IFI44L: variants seen among roughly 807,000 people sequenced by gnomAD.
IFI44L encodes interferon induced protein 44 like, also known as interferon-induced protein 44-like.
In IFI44L, 40 loss-of-function variants were observed where a neutral mutation model predicts 39.3. The ratio of observed to expected loss-of-function variants is 1.02; its 90% confidence interval spans 0.79 to 1.33. The LOEUF is 1.33. Among genes scored for constraint, IFI44L ranks in the 40% most tolerant of loss-of-function variants. IFI44L has a pLI of 0.00. For missense variants in IFI44L, 623 were observed against 549.0 expected, an observed-to-expected ratio of 1.13 and a Z score of -1.35; for synonymous variants, 198 against 182.3, an observed-to-expected ratio of 1.09 and a Z score of -0.69.
intron 8 of IFI44L, 31 bp downstream of exon 8, chr1:78,641,640 G>T: frequency 6.2e-7 from 1 of 1,611,976 alleles, no homozygotes; most frequent in Non-Finnish European, 8.5e-7. Context: ...CCCTGTCATA[G>T]ATCACTGGTG....
At chr1:78,626,293 C>T (rs1259972060) in intron 1 of IFI44L, 1 of 151,844 alleles carries the variant, frequency 6.6e-6, no homozygotes. Context: ...TACTGTAAAT[C>T]ATTCAATCTT....
chr1:78,637,130 C>T lies in IFI44L; in HGVS notation c.975C>T (p.Ile325=). Residue 325 remains isoleucine (I), a synonymous_variant, in exon 6 of 9, where the codon ATC becomes ATT. Transcript: ENST00000370751. The part of the protein sequence containing the change: ...RIHCVAYVLD[I]NSIDNLYSKM... The stretch of plus-strand genomic sequence containing the variant: ...ACTGTGTGGCTTATGTCTTAGACAT[C>T]AACTCTATTGACAATCTCTACTCTA... The T allele has an allele frequency of 6.2e-7, 1 of 1,608,292 alleles. No individual in the cohort carries two copies. Among genetic ancestry groups the T allele is most frequent in the South Asian group, 1.1e-5 (1 of 90,060 alleles).
chr1:78,641,477 A>G lies in IFI44L; in HGVS notation c.1192A>G (p.Ile398Val), dbSNP rs2100398506. Reference protein sequence around the residue: ...HKMLGIPISNILMVGNYASDL... With the variant: ...HKMLGIPISNVLMVGNYASDL... ...AATGCTAGGCATTCCTATTTCCAAT[A>G]TTTTGATGGTTGGAAATTATGCTTC... The change falls in exon 8 of 9, where the codon ATT becomes GTT. Residue 398 changes from isoleucine (I) to valine (V), a missense_variant. Transcript: ENST00000370751. 1.9e-6 allele frequency: 3 copies of G among 1,613,546 alleles called. No individual in the cohort carries two copies. Among genetic ancestry groups the G allele is most frequent in the African/African-American group, 1.3e-5 (1 of 75,002 alleles).
rs530068325 is a variant in IFI44L at position 78,632,054 on chromosome 1, GTACTT to G, written c.723+2140_723+2144del. ...TGATAAAATGGGAAGTGCTCATAAA[GTACTT>G]CTAATGCATATTGAAAATTGGCAGT... On this transcript the variant is annotated intron_variant, in intron 4 of 8. Coordinates refer to ENST00000370751, the MANE Select transcript of IFI44L (RefSeq NM_006820.4). Among the ~76,000 whole-genome samples, 359 of 152,282 alleles carry G rather than the reference GTACTT, an allele frequency of 2.4e-3. 1 individual carries two copies. Among genetic ancestry groups the G allele is most frequent in the African/African-American group, 8.1e-3 (337 of 41,558 alleles).
At chr1:78,631,579 T>A (rs142518646) in intron 4 of IFI44L, 1 of 152,170 alleles carries the variant, frequency 6.6e-6, no homozygotes, top group Admixed American at 6.6e-5. Flanking sequence ...ATCGTCCATA[T>A]TTTTTTGTGT....
In IFI44L at chr1:78,645,968, T is replaced by C. The variant is rs1647044131; in HGVS notation, c.*4159T>C. 6.6e-6 allele frequency: 1 copy of C among 152,112 alleles called. No homozygotes were observed. Among genetic ancestry groups the C allele is most frequent in the Admixed American group, 6.5e-5 (1 of 15,278 alleles). The allele number at this position is 152,112 out of a possible 1,614,324, so 9.4% of individuals were successfully genotyped here. A position where few individuals can be genotyped will look rare whatever the true frequency, so the allele number is the denominator to read the frequency against. On this transcript the variant is annotated 3_prime_UTR_variant, in exon 9 of 9. Transcript: ENST00000370751. Reference sequence around the variant, plus strand: ...AGGCTCCAGGACAGGAAGTGCAGTGTAGGCAAAATTGCAAAAATTGAGGGC... The same window carrying C: ...AGGCTCCAGGACAGGAAGTGCAGTGCAGGCAAAATTGCAAAAATTGAGGGC...
chr1:78,634,285 T>A (rs908931085), intron 4 of IFI44L, among the ~76,000 whole-genome samples: 5 of 151,990 alleles, frequency 3.3e-5, no homozygotes, highest in Non-Finnish European at 7.4e-5. Context: ...AATCAAACTG[T>A]AAAATATCAA....
Position 78,642,529 on chromosome 1 carries a change from A to G in IFI44L, c.*720A>G, listed in dbSNP as rs1646999685. ...GGCTACAGTGAGCTGAGATTGTGCC[A>G]CTGTACTCTAGCCAGGGAGAAAGAG... On this transcript the variant is annotated 3_prime_UTR_variant, in exon 9 of 9. Coordinates refer to ENST00000370751, the MANE Select transcript of IFI44L (RefSeq NM_006820.4). 1 of 152,024 alleles carries G rather than the reference A, an allele frequency of 6.6e-6. No individual in the cohort carries two copies. Among genetic ancestry groups the G allele is most frequent in the Admixed American group, 6.6e-5 (1 of 15,250 alleles). 9.4% of individuals were successfully genotyped at this position (152,024 alleles called of 1,614,324 possible).
chr1:78,646,010 G>A lies in IFI44L; in HGVS notation c.*4201G>A, dbSNP rs1647044935. On this transcript the variant is annotated 3_prime_UTR_variant, in exon 9 of 9. Transcript: ENST00000370751. ...ATTGAGGGCACAGGGGTGGAGGTGG[G>A]GGGGTTGAATAACAAGCTGTGCTAA... 1 of 152,156 alleles carries A rather than the reference G, an allele frequency of 6.6e-6. No individual in the cohort carries two copies. The highest frequency in any genetic ancestry group is 1.5e-5 in the Non-Finnish European group (1 of 68,046). The allele number at this position is 152,156 out of a possible 1,614,324, so 9.4% of individuals were successfully genotyped here.
chr1:78,632,350 A>G (rs1652780244), intron 4 of IFI44L, among the ~76,000 whole-genome samples: 1 of 152,214 alleles, frequency 6.6e-6, no homozygotes, highest in Admixed American at 6.5e-5. Context: ...CAGCTTTTCA[A>G]CACTTAAAGA....
intron 4 of IFI44L, 110 bp from the exon 5 acceptor site, chr1:78,635,227 G>C (rs1055228506): frequency 2.3e-6 from 2 of 852,354 alleles, no homozygotes; most frequent in Non-Finnish European, 3.6e-6. Flanking sequence ...AGACCAAACT[G>C]TTTGAGGACC....
chr1:78,624,383 AT>A lies in IFI44L; in HGVS notation c.-10-3519del, dbSNP rs1241315136. ...TAGTTTAATTCTCACATCCTTGTTA[AT>A]TTTCTAGATTTTCTGATATTGATTT... On this transcript the variant is annotated intron_variant, in intron 1 of 8. Coordinates refer to ENST00000370751, the MANE Select transcript of IFI44L (RefSeq NM_006820.4). Among the ~76,000 whole-genome samples, 7 of 152,146 alleles carry A rather than the reference AT, an allele frequency of 4.6e-5. No homozygotes were observed. The East Asian group carries it at 1.2e-3, about 25-fold the overall frequency.
At chr1:78,624,337 C>T (rs138338336) in intron 1 of IFI44L, among the ~76,000 whole-genome samples, 111 of 152,202 alleles carry the variant, frequency 7.3e-4, no homozygotes, top group African/African-American at 2.7e-3. Context: ...CATTTTGATC[C>T]ACTGCTTATT....
At position 78,629,019 on chromosome 1, in the gene IFI44L, T is replaced by C. The variant is rs760289870; in HGVS notation, c.527+20T>C. The stretch of plus-strand genomic sequence containing the variant: ...CAGAGAGTAAGTTGGATTCTTGGGC[T>C]ATCTATTAATCATTTTATTTAGACC... On this transcript the variant is annotated intron_variant, in intron 3 of 8. Transcript: ENST00000370751. 1 of 1,505,282 alleles carries C rather than the reference T, an allele frequency of 6.6e-7. No homozygotes were observed. Among genetic ancestry groups the C allele is most frequent in the African/African-American group, 1.4e-5 (1 of 72,718 alleles). The allele number at this position is 1,505,282 out of a possible 1,614,324, so 93.2% of individuals were successfully genotyped here. A position where few individuals can be genotyped will look rare whatever the true frequency, so the allele number is the denominator to read the frequency against.
At position 78,643,158 on chromosome 1, in the gene IFI44L, C is replaced by CTTTTTTTTT. The variant is rs1303490900; in HGVS notation, c.*1351_*1352insTTTTTTTTT. On this transcript the variant is annotated 3_prime_UTR_variant, in exon 9 of 9. Transcript: ENST00000370751. ...ATAGATATTAAGAAAGCAAGAGTTTCTTATGTCCAGTTATGGAATATTTCC... is the reference window on the plus strand; with the variant it reads ...ATAGATATTAAGAAAGCAAGAGTTTCTTTTTTTTTTTATGTCCAGTTATGGAATATTTCC... The CTTTTTTTTT allele has an allele frequency of 6.6e-6, 1 of 151,522 alleles. No homozygotes were observed. The highest frequency in any genetic ancestry group is 1.5e-5 in the Non-Finnish European group (1 of 67,856). The allele number at this position is 151,522 out of a possible 1,614,324, so 9.4% of individuals were successfully genotyped here. A position where few individuals can be genotyped will look rare whatever the true frequency, so the allele number is the denominator to read the frequency against.
chr1:78,641,516 G>A lies in IFI44L; in HGVS notation c.1231G>A (p.Asp411Asn), dbSNP rs1354802684. 1.2e-6 allele frequency: 2 copies of A among 1,613,608 alleles called. No homozygotes were observed. Among genetic ancestry groups the A allele is most frequent in the East Asian group, 2.2e-5 (1 of 44,856 alleles). Reference protein sequence around the residue: ...VGNYASDLELDPMKDILILSA... With the variant: ...VGNYASDLELNPMKDILILSA... ...AAATTATGCTTCAGATTTGGAACTG[G>A]ACCCCATGAAGGATATTCTCATCCT... is the stretch of plus-strand genomic sequence containing the variant. Residue 411 changes from aspartate to asparagine, a missense_variant, in exon 8 of 9, where the codon GAC (aspartate) becomes AAC (asparagine). By Grantham distance (23) the Asp-to-Asn change is conservative. Coordinates refer to ENST00000370751, the MANE Select transcript of IFI44L (RefSeq NM_006820.4).
chr1:78,635,877 TTAGATTTCACCACTAAATACC>T (rs1652931942), intron 5 of IFI44L: 2 of 193,332 alleles, frequency 1.0e-5, no homozygotes. Flanking sequence ...CTGTAAATGC[TTAGATTTCACCACTAAATACC>T]TAGATTCAAA....
At chr1:78,623,396 GTTTTTTTTT>G (rs71078508) in intron 1 of IFI44L, among the ~76,000 whole-genome samples, 22,735 of 121,716 alleles carry the variant, frequency 0.19, 2,117 homozygotes, top group South Asian at 0.26. Flanking sequence ...AGTGTTTTTT[GTTTTTTTTT>G]TTTTTTTTTT....
Position 78,637,075 on chromosome 1 carries a change from T to G in IFI44L, c.920T>G (p.Ile307Ser), listed in dbSNP as rs1463563266. 6.2e-7 allele frequency: 1 copy of G among 1,612,104 alleles called. No homozygotes were observed. The highest frequency in any genetic ancestry group is 8.5e-7 in the Non-Finnish European group (1 of 1,178,484). ...ATTACACCTGAGCATTCTACTTTTA[T>G]CACCTCTCCATCTCTGAAGGACAGG... is the stretch of plus-strand genomic sequence containing the variant. ...KPITPEHSTFITSPSLKDRIH... is the reference protein window; with the variant it reads ...KPITPEHSTFSTSPSLKDRIH... Residue 307 changes from isoleucine (I) to serine (S), a missense_variant, in exon 6 of 9, where the codon ATC becomes AGC. Coordinates refer to ENST00000370751, the MANE Select transcript of IFI44L (RefSeq NM_006820.4).
Sources: allele counts gnomAD v4.1 joint callset (sites outside exome capture counted in the v4.1 genomes callset), GRCh38; gene constraint gnomAD v4.1.1; transcripts MANE v1.5; gene names NCBI Gene and HGNC (gene_info 2026-07-23, HGNC 2026-07-21).